The following NEGR1 variants were observed in gnomAD, a reference collection of about 807,000 sequenced individuals.
NEGR1 encodes IgLON family member 4.
Under a neutral mutation model 40.9 loss-of-function variants are expected in NEGR1, and 10 were observed. That is an observed-to-expected ratio of 0.24 (90% confidence interval 0.15 to 0.42). NEGR1 has a LOEUF of 0.42. Ranked by LOEUF, NEGR1 falls within the 10% of genes least tolerant of loss-of-function variation. The pLI is 1.00. For synonymous variants in NEGR1, 185 were observed against 166.8 expected (o/e 1.11, Z -0.84); for missense variants, 352 against 438.9 (o/e 0.80, Z 1.77).
chr1:71,594,479 A>G (rs567145961), intron 5 of NEGR1, among the ~76,000 whole-genome samples: 2 of 152,330 alleles, frequency 1.3e-5, no homozygotes, highest in South Asian at 4.1e-4. Flanking sequence ...TTACTCTGGG[A>G]ATTACTTATA....
chr1:71,790,613 C>A (rs1657081318), intron 2 of NEGR1, among the ~76,000 whole-genome samples: 1 of 151,892 alleles, frequency 6.6e-6, no homozygotes, highest in Non-Finnish European at 1.5e-5. Context: ...TGGTAGAATT[C>A]AGGTGATTAT....
Position 71,957,404 on chromosome 1 carries a change from C to T in NEGR1, c.177-22093G>A, listed in dbSNP as rs117638991. Reference sequence around the variant, plus strand: ...AAAAGTTATTCAAGCCAATTTGAGGCAGAGAGCTAGTCATTCTATATAAAA... The same window carrying T: ...AAAAGTTATTCAAGCCAATTTGAGGTAGAGAGCTAGTCATTCTATATAAAA... On this transcript the variant is annotated intron_variant, in intron 1 of 6. Transcript: ENST00000357731. Among the ~76,000 whole-genome samples, 27 of 152,150 alleles carry T rather than the reference C, an allele frequency of 1.8e-4. No homozygotes were observed. In the East Asian group the frequency reaches 5.2e-3, roughly 29 times the overall value.
chr1:71,661,778 C>T (rs2422017), intron 4 of NEGR1, among the ~76,000 whole-genome samples: 71,736 of 151,936 alleles, frequency 0.47, 16,994 homozygotes, highest in Middle Eastern at 0.54. Context: ...AATATTTCTC[C>T]CATTATTCTA....
chr1:72,189,516 GTA>G (rs1316655479), intron 1 of NEGR1, among the ~76,000 whole-genome samples: 1 of 151,480 alleles, frequency 6.6e-6, no homozygotes, highest in Non-Finnish European at 1.5e-5. Flanking sequence ...TCTCCTCACT[GTA>G]TATATGTCTT....
intron 1 of NEGR1, among the ~76,000 whole-genome samples, chr1:72,143,244 CTTTG>C (rs909224061): frequency 1.3e-5 from 2 of 151,870 alleles, no homozygotes; most frequent in Non-Finnish European, 2.9e-5. Context: ...TTAAGAAGAA[CTTTG>C]TTTATATATG....
At chr1:71,641,729 C>T (rs941566188) in intron 4 of NEGR1, among the ~76,000 whole-genome samples, 1 of 151,986 alleles carries the variant, frequency 6.6e-6, no homozygotes, top group African/African-American at 2.4e-5. Flanking sequence ...AGGTGCGGTA[C>T]ACACTACCTA....
intron 6 of NEGR1, among the ~76,000 whole-genome samples, chr1:71,584,872 C>T (rs572646471): frequency 6.6e-6 from 1 of 152,170 alleles, no homozygotes; most frequent in African/African-American, 2.4e-5. Flanking sequence ...GCCATATACT[C>T]AAGTCACATT....
At chr1:71,746,072 C>A (rs1655372600) in intron 3 of NEGR1, among the ~76,000 whole-genome samples, 1 of 152,138 alleles carries the variant, frequency 6.6e-6, no homozygotes, top group Admixed American at 6.5e-5. Flanking sequence ...TGAACCTACG[C>A]ATAAAAATGG....
intron 6 of NEGR1, among the ~76,000 whole-genome samples, chr1:71,488,385 T>C (rs1646902435): frequency 6.6e-6 from 1 of 151,808 alleles, no homozygotes; most frequent in African/African-American, 2.4e-5. Flanking sequence ...AACAATTTTG[T>C]CAACTCTAAT....
At chr1:71,618,797 G>C (rs1650523480) in intron 4 of NEGR1, among the ~76,000 whole-genome samples, 1 of 152,144 alleles carries the variant, frequency 6.6e-6, no homozygotes, top group Non-Finnish European at 1.5e-5. Context: ...GTTAGAGACT[G>C]CTGTCTTTTT....
intron 1 of NEGR1, among the ~76,000 whole-genome samples, chr1:72,211,589 A>G (rs1653609283): frequency 6.6e-6 from 1 of 150,834 alleles, no homozygotes; most frequent in Admixed American, 6.6e-5. Flanking sequence ...ATGTAGGACA[A>G]TGGCATTCAT....
intron 1 of NEGR1, among the ~76,000 whole-genome samples, chr1:72,116,183 G>T (rs1649571490): frequency 6.6e-6 from 1 of 151,676 alleles, no homozygotes; most frequent in African/African-American, 2.4e-5. Context: ...AGTACAATCA[G>T]TTGAGTCATG....
At chr1:71,885,857 C>T (rs1049516055) in intron 2 of NEGR1, among the ~76,000 whole-genome samples, 6 of 151,940 alleles carry the variant, frequency 3.9e-5, no homozygotes, top group South Asian at 2.1e-4. Flanking sequence ...AAACAAATGG[C>T]GTATTAATAA....
chr1:71,526,412 A>G (rs532603092), intron 6 of NEGR1, among the ~76,000 whole-genome samples: 1 of 151,694 alleles, frequency 6.6e-6, no homozygotes, highest in Non-Finnish European at 1.5e-5. Context: ...TATACACAGT[A>G]ATAGTATTCT....
intron 1 of NEGR1, among the ~76,000 whole-genome samples, chr1:72,271,663 A>G (rs564763691): frequency 6.6e-6 from 1 of 152,022 alleles, no homozygotes; most frequent in Admixed American, 6.6e-5. Context: ...AGTGTATATC[A>G]CTTCATCATG....
At chr1:71,874,818 C>T (rs1288106847) in intron 2 of NEGR1, among the ~76,000 whole-genome samples, 2 of 152,046 alleles carry the variant, frequency 1.3e-5, no homozygotes, top group Admixed American at 6.6e-5. Context: ...GGAAACTTTT[C>T]GGTTTCCACA....
chr1:71,923,256 G>T (rs1645737218), intron 2 of NEGR1, among the ~76,000 whole-genome samples: 1 of 151,960 alleles, frequency 6.6e-6, no homozygotes, highest in Admixed American at 6.6e-5. Context: ...TCTCAACTAG[G>T]GGTGATTTTC....
chr1:72,194,517 A>G (rs1652933136), intron 1 of NEGR1, among the ~76,000 whole-genome samples: 1 of 151,984 alleles, frequency 6.6e-6, no homozygotes, highest in Non-Finnish European at 1.5e-5. Flanking sequence ...AAGATCAATT[A>G]TTTCACTCAG....
chr1:71,943,212 TAA>T (rs771212587), intron 1 of NEGR1, among the ~76,000 whole-genome samples: 5 of 148,610 alleles, frequency 3.4e-5, no homozygotes, highest in African/African-American at 9.9e-5. Context: ...TATGTATAGT[TAA>T]GTTTGTTTTA....
Sources: gnomAD v4.1 joint callset for allele counts (sites outside exome capture counted in the v4.1 genomes callset) on GRCh38, gnomAD v4.1.1 for gene constraint, MANE v1.5 for transcripts, NCBI Gene and HGNC (gene_info 2026-07-23, HGNC 2026-07-21) for gene names.